The following NALF1 variants were observed in gnomAD, a reference collection of about 807,000 sequenced individuals.
NALF1 encodes the protein family with sequence similarity 155 member A.
A neutral mutation model predicts 48.4 loss-of-function variants in NALF1; 3 were observed. The ratio of observed to expected loss-of-function variants is 0.06; its 90% CI spans 0.03 to 0.16. The LOEUF (loss-of-function observed/expected upper bound fraction) is 0.16, where lower values mean the gene tolerates loss of function less well. Among genes scored for constraint, NALF1 ranks in the 10% least tolerant of loss-of-function variants. The pLI, the probability that NALF1 is intolerant of heterozygous loss-of-function variation, is 1.00. For missense variants in NALF1, 526 were observed against 571.5 expected (o/e 0.92, Z 0.81); for synonymous variants, 262 against 245.7 (o/e 1.07, Z -0.62).
chr13:107,372,483 G>C (rs566991032), intron 1 of NALF1, among the ~76,000 whole-genome samples: 1 of 152,200 alleles, frequency 6.6e-6, no homozygotes, highest in Non-Finnish European at 1.5e-5. Flanking sequence ...CCTATTCATT[G>C]AAAGGCACTA....
chr13:107,721,804 C>T (rs7139609), intron 1 of NALF1, among the ~76,000 whole-genome samples: 129,200 of 152,164 alleles, frequency 0.85, 55,312 homozygotes, highest in East Asian at 0.92. Context: ...TGTTCTCTCC[C>T]GGAGGAGAGG....
intron 1 of NALF1, among the ~76,000 whole-genome samples, chr13:107,334,097 C>G (rs1882514876): frequency 6.6e-6 from 1 of 152,080 alleles, no homozygotes; most frequent in Non-Finnish European, 1.5e-5. Context: ...GGAAACTAAA[C>G]ATAAATTAAA....
intron 1 of NALF1, among the ~76,000 whole-genome samples, chr13:107,832,167 G>T (rs1282878573): frequency 6.6e-6 from 1 of 151,652 alleles, no homozygotes; most frequent in Non-Finnish European, 1.5e-5. Context: ...ATTAAACTAA[G>T]ATTTTAGAAA....
At chr13:107,312,804 T>C (rs1882073334) in intron 1 of NALF1, among the ~76,000 whole-genome samples, 2 of 152,164 alleles carry the variant, frequency 1.3e-5, no homozygotes, top group African/African-American at 4.8e-5. Context: ...TCTGGTGAAT[T>C]TGCACAGAGT....
chr13:107,672,841 T>G (rs1881022291), intron 1 of NALF1, among the ~76,000 whole-genome samples: 1 of 152,138 alleles, frequency 6.6e-6, no homozygotes, highest in Non-Finnish European at 1.5e-5. Flanking sequence ...TGGACTTTGT[T>G]GTCCCCAACA....
At chr13:107,414,739 GATT>G (rs1884055494) in intron 1 of NALF1, among the ~76,000 whole-genome samples, 1 of 151,822 alleles carries the variant, frequency 6.6e-6, no homozygotes, top group Non-Finnish European at 1.5e-5. Flanking sequence ...TTATCATACA[GATT>G]ATTTCCATAA....
At chr13:107,336,871 C>A (rs1882567711) in intron 1 of NALF1, among the ~76,000 whole-genome samples, 1 of 152,004 alleles carries the variant, frequency 6.6e-6, no homozygotes, top group East Asian at 1.9e-4. Context: ...TGAGGAACAT[C>A]TTTTGAAGTG....
At chr13:107,577,221 C>G (rs1452478185) in intron 1 of NALF1, among the ~76,000 whole-genome samples, 1 of 152,134 alleles carries the variant, frequency 6.6e-6, no homozygotes, top group African/African-American at 2.4e-5. Context: ...TTCTCATCTG[C>G]ATGTTGGAAG....
At chr13:107,186,190 T>G (rs530488812) in intron 2 of NALF1, among the ~76,000 whole-genome samples, 34 of 152,188 alleles carry the variant, frequency 2.2e-4, no homozygotes, top group African/African-American at 7.0e-4. Context: ...ATACATAGCG[T>G]TTGACGGGGT....
intron 1 of NALF1, among the ~76,000 whole-genome samples, chr13:107,622,200 G>T (rs527955603): frequency 6.6e-6 from 1 of 151,952 alleles, no homozygotes; most frequent in Non-Finnish European, 1.5e-5. Flanking sequence ...AGGCCAAGGC[G>T]GGCAGATCAT....
intron 1 of NALF1, among the ~76,000 whole-genome samples, chr13:107,694,796 TC>T (rs1478102017): frequency 1.3e-5 from 2 of 149,994 alleles, no homozygotes; most frequent in African/African-American, 4.9e-5. Context: ...TGAAGTCAGT[TC>T]TTTTTTTTTT....
intron 1 of NALF1, among the ~76,000 whole-genome samples, chr13:107,679,791 C>T (rs1337588649): frequency 6.6e-6 from 1 of 152,174 alleles, no homozygotes; most frequent in Non-Finnish European, 1.5e-5. Context: ...GGAAGCTCCA[C>T]CCAGCACACT....
chr13:107,501,463 T>C (rs2139078530), intron 1 of NALF1, among the ~76,000 whole-genome samples: 1 of 152,296 alleles, frequency 6.6e-6, no homozygotes, highest in Middle Eastern at 3.4e-3. Context: ...ACTAAGCTGC[T>C]GGAGCAGCAA....
At chr13:107,655,046 T>C (rs1880540852) in intron 1 of NALF1, among the ~76,000 whole-genome samples, 1 of 152,116 alleles carries the variant, frequency 6.6e-6, no homozygotes, top group Non-Finnish European at 1.5e-5. Context: ...AACATTATAC[T>C]GAATGGGGAA....
At chr13:107,560,121 T>C (rs540712899) in intron 1 of NALF1, among the ~76,000 whole-genome samples, 2 of 152,294 alleles carry the variant, frequency 1.3e-5, no homozygotes, top group African/African-American at 2.4e-5. Flanking sequence ...GAAGACAAGC[T>C]GGTTTGGAAA....
chr13:107,809,654 AT>A, intron 1 of NALF1, among the ~76,000 whole-genome samples: 1 of 152,068 alleles, frequency 6.6e-6, no homozygotes, highest in East Asian at 1.9e-4. Context: ...TGTGCCCTCA[AT>A]TTTTGGAAGA....
intron 1 of NALF1, among the ~76,000 whole-genome samples, chr13:107,778,790 C>A (rs929692039): frequency 6.6e-6 from 1 of 152,048 alleles, no homozygotes; most frequent in African/African-American, 2.4e-5. Context: ...TTCATCAGGT[C>A]AGTAAGGGCT....
chr13:107,768,229 G>T (rs1398641008), intron 1 of NALF1, among the ~76,000 whole-genome samples: 1 of 152,100 alleles, frequency 6.6e-6, no homozygotes, highest in Non-Finnish European at 1.5e-5. Context: ...GCAGTATCTG[G>T]CACAAAATAA....
At chr13:107,527,146 C>T (rs1220249352) in intron 1 of NALF1, among the ~76,000 whole-genome samples, 1 of 152,044 alleles carries the variant, frequency 6.6e-6, no homozygotes, top group Non-Finnish European at 1.5e-5. Context: ...AAATAAATGT[C>T]AGATAGGACT....
Sources: allele counts gnomAD v4.1 joint callset (sites outside exome capture counted in the v4.1 genomes callset), GRCh38; gene constraint gnomAD v4.1.1; transcripts MANE v1.5; gene names NCBI Gene and HGNC (gene_info 2026-07-23, HGNC 2026-07-21).